Variants in IQCM observed in about 807,000 individuals in gnomAD.
IQCM encodes IQ domain-containing protein M.
A neutral mutation model predicts 57.6 loss-of-function variants in IQCM; 45 were observed. The ratio of observed to expected loss-of-function variants is 0.78; its 90% CI spans 0.62 to 1.00. IQCM has a LOEUF of 1.00. Among genes scored for constraint, IQCM ranks in the 50% least tolerant of loss-of-function variants. The probability of loss-of-function intolerance (pLI) is 0.00; values close to 1 mark genes in which losing one functional copy is unlikely to be tolerated. For synonymous variants in IQCM, 148 were observed against 158.9 expected (o/e 0.93, Z 0.51); for missense variants, 468 against 511.6 (o/e 0.91, Z 0.82).
At chr4:149,552,846 T>C (rs1749165641) in intron 11 of IQCM, among the ~76,000 whole-genome samples, 1 of 152,222 alleles carries the variant, frequency 6.6e-6, no homozygotes, top group Middle Eastern at 3.2e-3. Flanking sequence ...GCTCCCTAGA[T>C]CTCTGAAGCA....
chr4:149,356,633 T>C (rs1729008293), intron 13 of IQCM, among the ~76,000 whole-genome samples: 1 of 152,186 alleles, frequency 6.6e-6, no homozygotes, highest in South Asian at 2.1e-4. Context: ...TACCATGCTG[T>C]TTTGGTTACT....
At chr4:149,430,480 T>G (rs539277406) in intron 13 of IQCM, among the ~76,000 whole-genome samples, 7 of 152,068 alleles carry the variant, frequency 4.6e-5, no homozygotes, top group African/African-American at 1.7e-4. Flanking sequence ...TCTCAAATTT[T>G]TTAACCCATC....
At position 149,460,621 on chromosome 4, in the gene IQCM, T is replaced by C. The variant is rs932327684; in HGVS notation, c.1229-27064A>G. Among the ~76,000 whole-genome samples the C allele has an allele frequency of 9.0e-4, 136 of 151,860 alleles. 1 individual carries two copies. Among genetic ancestry groups the C allele is most frequent in the African/African-American group, 3.1e-3 (128 of 41,412 alleles). ...GTAGAGCATCACATAAGAGGATCAA[T>C]AGTAATATTTTGAAAGAAGAAAGAA... On this transcript the variant is annotated intron_variant, in intron 12 of 13. Transcript: ENST00000636793.
chr4:149,765,767 T>C (rs1256604822), intron 2 of IQCM, among the ~76,000 whole-genome samples: 1 of 152,120 alleles, frequency 6.6e-6, no homozygotes, highest in Non-Finnish European at 1.5e-5. Context: ...CATTTGCTCC[T>C]ATAGATAACA....
At chr4:149,460,730 G>A (rs1342853251) in intron 12 of IQCM, among the ~76,000 whole-genome samples, 1 of 152,168 alleles carries the variant, frequency 6.6e-6, no homozygotes, top group Non-Finnish European at 1.5e-5. Context: ...GAATTTACCA[G>A]AGGACACAGA....
At chr4:149,716,613 G>T (rs1050819193) in intron 5 of IQCM, among the ~76,000 whole-genome samples, 1 of 152,140 alleles carries the variant, frequency 6.6e-6, no homozygotes, top group Admixed American at 6.5e-5. Flanking sequence ...AAGCCTGCCC[G>T]GCTGCAGCCG....
intron 8 of IQCM, among the ~76,000 whole-genome samples, chr4:149,603,594 C>T (rs1754506112): frequency 6.6e-6 from 1 of 151,776 alleles, no homozygotes; most frequent in African/African-American, 2.4e-5. Flanking sequence ...ACATGCCTTG[C>T]CTGTGGTAGA....
At chr4:149,724,764 G>A (rs1765742731) in intron 5 of IQCM, among the ~76,000 whole-genome samples, 1 of 151,920 alleles carries the variant, frequency 6.6e-6, no homozygotes, top group Non-Finnish European at 1.5e-5. Context: ...TTTAATTCCT[G>A]AGAGAATGCA....
chr4:149,496,490 C>T (rs1386904655), intron 12 of IQCM, among the ~76,000 whole-genome samples: 5 of 151,894 alleles, frequency 3.3e-5, no homozygotes, highest in Non-Finnish European at 5.9e-5. Context: ...GAGTCAGAGT[C>T]AGAGGAGAGG....
intron 11 of IQCM, among the ~76,000 whole-genome samples, chr4:149,550,215 G>GT (rs1398551874): frequency 1.3e-5 from 2 of 152,124 alleles, no homozygotes; most frequent in Admixed American, 6.5e-5. Flanking sequence ...TGTTTACACT[G>GT]TTTTTTCTCA....
intron 7 of IQCM, among the ~76,000 whole-genome samples, chr4:149,643,783 T>C (rs1377078992): frequency 2.6e-5 from 4 of 152,180 alleles, no homozygotes; most frequent in Admixed American, 2.6e-4. Context: ...TACTGTGGCC[T>C]TTTCCTAGAT....
In IQCM at chr4:149,722,159, G is replaced by A. The variant is rs138784871; in HGVS notation, c.385+11085C>T. 2.1e-3 allele frequency among the ~76,000 whole-genome samples: 314 copies of A among 151,948 alleles called. 2 individuals are homozygous for A. The highest frequency in any genetic ancestry group is 7.4e-3 in the African/African-American group (308 of 41,538). The stretch of plus-strand genomic sequence containing the variant: ...GGGATTATTTGGTCTTCTCCTTGCT[G>A]ATTTGTTTGAGTTTCTTGTAGATTC... On this transcript the variant is annotated intron_variant, in intron 5 of 13. Transcript: ENST00000636793.
At chr4:149,475,438 T>A in intron 12 of IQCM, among the ~76,000 whole-genome samples, 1 of 152,146 alleles carries the variant, frequency 6.6e-6, no homozygotes, top group East Asian at 1.9e-4. Flanking sequence ...CACATGGAGA[T>A]ATTGAATAGG....
intron 12 of IQCM, among the ~76,000 whole-genome samples, chr4:149,522,635 G>C (rs1209785017): frequency 1.3e-5 from 2 of 152,116 alleles, no homozygotes; most frequent in Admixed American, 6.5e-5. Flanking sequence ...TGGGGAGAAG[G>C]AGGAATTAAT....
intron 12 of IQCM, among the ~76,000 whole-genome samples, chr4:149,440,083 AG>A (rs1393903181): frequency 2.9e-5 from 4 of 139,730 alleles, no homozygotes; most frequent in Non-Finnish European, 6.1e-5. Flanking sequence ...CAGCCTCCCG[AG>A]TAGCTAGGAT....
intron 12 of IQCM, among the ~76,000 whole-genome samples, chr4:149,524,448 A>C (rs1745961738): frequency 6.6e-6 from 1 of 152,102 alleles, no homozygotes; most frequent in African/African-American, 2.4e-5. Flanking sequence ...CTCATTAAAG[A>C]AACATTTAAA....
intron 2 of IQCM, among the ~76,000 whole-genome samples, chr4:149,755,835 A>G (rs929002541): frequency 3.3e-5 from 5 of 152,172 alleles, no homozygotes; most frequent in African/African-American, 7.2e-5. Context: ...TGTGGTCAAA[A>G]TAAGTGCCCC....
intron 2 of IQCM, among the ~76,000 whole-genome samples, chr4:149,746,673 C>G (rs939939988): frequency 1.3e-5 from 2 of 152,214 alleles, no homozygotes; most frequent in Non-Finnish European, 2.9e-5. Context: ...TTTGACTTCT[C>G]TTGGACTTAG....
chr4:149,475,564 C>T (rs1459084322), intron 12 of IQCM, among the ~76,000 whole-genome samples: 2 of 151,710 alleles, frequency 1.3e-5, no homozygotes, highest in Non-Finnish European at 2.9e-5. Context: ...GAAGAGATCA[C>T]CATGGGGGCA....
Sources: allele counts gnomAD v4.1 joint callset (sites outside exome capture counted in the v4.1 genomes callset), GRCh38; gene constraint gnomAD v4.1.1; transcripts MANE v1.5; gene names NCBI Gene and HGNC (gene_info 2026-07-23, HGNC 2026-07-21).